The following DMD variants were observed in gnomAD, a reference collection of about 807,000 sequenced individuals.
The protein encoded by DMD is dystrophin.
Under a neutral mutation model 330.1 loss-of-function variants are expected in DMD, and 63 were observed. The ratio of observed to expected loss-of-function variants is 0.19; its 90% CI spans 0.16 to 0.24. The LOEUF (loss-of-function observed/expected upper bound fraction) is 0.24, where lower values mean the gene tolerates loss of function less well. Ranked by LOEUF, DMD falls within the 10% of genes least tolerant of loss-of-function variation. DMD has a pLI of 1.00. For synonymous variants in DMD, 1,223 were observed against 959.8 expected (o/e 1.27, Z -5.07); for missense variants, 3,344 against 2,684.1 (o/e 1.25, Z -5.43).
At chrX:32,118,346 C>G (rs1407912367) in intron 44 of DMD, among the ~76,000 whole-genome samples, 2 of 111,362 alleles carry the variant, frequency 1.8e-5, no homozygotes, top group Non-Finnish European at 3.8e-5. Context: ...CTCTTCCCCT[C>G]CATCATAGTT....
chrX:32,394,911 A>AAAC (rs1173004847), intron 30 of DMD, among the ~76,000 whole-genome samples: 1 of 51,510 alleles, frequency 1.9e-5, no homozygotes, highest in Non-Finnish European at 3.6e-5. Context: ...CAAAAAACAA[A>AAAC]AAAACAAAAA....
chrX:33,188,738 A>G (rs1470823033), intron 1 of DMD, among the ~76,000 whole-genome samples: 1 of 111,856 alleles, frequency 8.9e-6, no homozygotes, highest in African/African-American at 3.2e-5. Flanking sequence ...CCTAACCCCC[A>G]TTGTCTCAGA....
chrX:31,204,314 T>C (rs1054114251), intron 66 of DMD, among the ~76,000 whole-genome samples, 196 bp from the exon 67 acceptor site: 1 of 112,801 alleles, frequency 8.9e-6, no homozygotes, highest in Non-Finnish European at 1.9e-5. Flanking sequence ...TGTATATATA[T>C]GAAGTGTGAT....
At chrX:32,575,264 T>TA (rs368122898) in intron 13 of DMD, among the ~76,000 whole-genome samples, 10 of 109,796 alleles carry the variant, frequency 9.1e-5, no homozygotes, top group African/African-American at 2.3e-4. Context: ...TATCACCACT[T>TA]AAAAAAAAAT....
intron 7 of DMD, among the ~76,000 whole-genome samples, chrX:32,780,141 T>C (rs2074572502): frequency 3.6e-5 from 4 of 111,717 alleles, no homozygotes; most frequent in Non-Finnish European, 7.5e-5. Context: ...TGAGACAAAA[T>C]ATGCCTTATG....
In DMD at chrX:31,126,665, T is replaced by C. The variant is rs768016083; in HGVS notation, c.11023A>G (p.Thr3675Ala). ...ACCTCTCTCATTGGCTTTCCAGGGG[T>C]ATTTCTTCCTTTAATAATAGAGAGA... ...NSFPSSRGRN[T>A]PGKPMREDTM The change falls in exon 78 of 79, where the codon ACC becomes GCC. Residue 3675 changes from threonine (T) to alanine (A), a missense_variant. Transcript: ENST00000357033. 8.4e-7 allele frequency: 1 copy of C among 1,193,341 alleles called. No individual in the cohort carries two copies. The highest frequency in any genetic ancestry group is 1.8e-5 in the African/African-American group (1 of 56,346).
intron 9 of DMD, among the ~76,000 whole-genome samples, chrX:32,682,932 C>T (rs1442490948): frequency 9.0e-6 from 1 of 111,621 alleles, no homozygotes; most frequent in Non-Finnish European, 1.9e-5. Flanking sequence ...GCTGTTTCAT[C>T]AGGCTGGGTT....
At chrX:32,536,320 G>T (rs983756630) in intron 17 of DMD, among the ~76,000 whole-genome samples, 3 of 107,223 alleles carry the variant, frequency 2.8e-5, no homozygotes, top group African/African-American at 7.0e-5. Flanking sequence ...CCTCTGCAAG[G>T]TTAGATAACC....
At chrX:31,424,984 G>T (rs1455912619) in intron 60 of DMD, among the ~76,000 whole-genome samples, 1 of 112,003 alleles carries the variant, frequency 8.9e-6, no homozygotes, top group Admixed American at 9.5e-5. Flanking sequence ...GGAGAAAAAC[G>T]CAAACACATA....
chrX:32,696,741 G>A (rs1168210483), intron 9 of DMD, among the ~76,000 whole-genome samples: 1 of 110,950 alleles, frequency 9.0e-6, no homozygotes, highest in Non-Finnish European at 1.9e-5. Flanking sequence ...ATCTTAGGAG[G>A]TGGCACTTAT....
intron 52 of DMD, among the ~76,000 whole-genome samples, chrX:31,720,631 ATTTTC>A (rs1352795478): frequency 9.2e-6 from 1 of 109,041 alleles, no homozygotes; most frequent in African/African-American, 3.5e-5. Flanking sequence ...AAGAAAAACT[ATTTTC>A]TTTAATTGGT....
intron 44 of DMD, among the ~76,000 whole-genome samples, chrX:32,177,356 G>A (rs1874897402): frequency 9.0e-6 from 1 of 111,639 alleles, no homozygotes; most frequent in Non-Finnish European, 1.9e-5. Flanking sequence ...GACCCTCCAG[G>A]TTCTAGCCCC....
intron 1 of DMD, among the ~76,000 whole-genome samples, chrX:33,036,013 A>G (rs2094197849): frequency 8.9e-6 from 1 of 111,976 alleles, no homozygotes; most frequent in Non-Finnish European, 1.9e-5. Context: ...AGATAAAGAA[A>G]CATCTTCAGA....
At chrX:32,901,966 A>G (rs1451761469) in intron 2 of DMD, among the ~76,000 whole-genome samples, 5 of 110,552 alleles carry the variant, frequency 4.5e-5, no homozygotes, top group Non-Finnish European at 7.5e-5. Flanking sequence ...TTATGACTGT[A>G]TATGGATATT....
chrX:32,453,553 A>G (rs1246409144), intron 26 of DMD, among the ~76,000 whole-genome samples: 1 of 111,016 alleles, frequency 9.0e-6, no homozygotes, highest in Non-Finnish European at 1.9e-5. Context: ...CCATTTAATT[A>G]TATAATTTTT....
chrX:31,170,887 T>C (rs1421729655), intron 73 of DMD, among the ~76,000 whole-genome samples: 1 of 112,216 alleles, frequency 8.9e-6, no homozygotes, highest in East Asian at 2.8e-4. Flanking sequence ...TTCCAAATTC[T>C]GAAGTTGTAC....
intron 44 of DMD, among the ~76,000 whole-genome samples, chrX:32,088,500 T>TAA (rs35808590): frequency 2.3e-5 from 2 of 87,351 alleles, no homozygotes; most frequent in Non-Finnish European, 4.6e-5. Context: ...AAGCGATGAC[T>TAA]AAAAAAAAAA....
At chrX:32,381,825 T>C (rs1193043794) in intron 33 of DMD, among the ~76,000 whole-genome samples, 1 of 110,810 alleles carries the variant, frequency 9.0e-6, no homozygotes, top group East Asian at 2.8e-4. Context: ...TCATGAAGCC[T>C]GGGAATCTGA....
At chrX:32,118,827 T>G in intron 44 of DMD, among the ~76,000 whole-genome samples, 3 of 110,621 alleles carry the variant, frequency 2.7e-5, no homozygotes, top group Middle Eastern at 4.7e-3. Context: ...GGGATAAAAC[T>G]GTTGCACCTC....
Sources: allele counts gnomAD v4.1 joint callset (sites outside exome capture counted in the v4.1 genomes callset), GRCh38; gene constraint gnomAD v4.1.1; transcripts MANE v1.5; gene names NCBI Gene and HGNC (gene_info 2026-07-23, HGNC 2026-07-21).